ADAM22: variants seen among roughly 807,000 people sequenced by gnomAD.
ADAM22 encodes the protein ADAM metallopeptidase domain 22, also known as disintegrin and metalloproteinase domain-containing protein 22.
ADAM22 carries 65 observed loss-of-function variants against 144.6 expected under a neutral mutation model. The ratio of observed to expected loss-of-function variants is 0.45; its 90% CI spans 0.37 to 0.55. ADAM22 has a LOEUF of 0.55. ADAM22 is among the 20% of genes least tolerant of loss of function. The probability of loss-of-function intolerance (pLI) is 0.00; values close to 1 mark genes in which losing one functional copy is unlikely to be tolerated. For synonymous variants in ADAM22, 391 were observed against 412.6 expected (o/e 0.95, Z 0.63); for missense variants, 974 against 1,184.9 (o/e 0.82, Z 2.61).
In ADAM22 at chr7:88,108,223, C is replaced by T; in HGVS notation, c.438C>T (p.Asp146=). ...YYQGHIRGNP[D]SFVALSTCHG... ...AGGGCCATATCCGAGGAAACCCTGA[C>T]TCATTTGTTGCATTGTCAACATGCC... The change falls in exon 5 of 32, where the codon GAC becomes GAT. Residue 146 remains aspartate (D), a synonymous_variant. Transcript: ENST00000413139. 1 of 1,613,816 alleles carries T rather than the reference C, an allele frequency of 6.2e-7. No homozygotes were observed. The highest frequency in any genetic ancestry group is 8.5e-7 in the Non-Finnish European group (1 of 1,179,890).
intron 22 of ADAM22, among the ~76,000 whole-genome samples, chr7:88,160,629 G>T (rs904555692): frequency 6.6e-6 from 1 of 152,004 alleles, no homozygotes; most frequent in Admixed American, 6.6e-5. Context: ...ATACCCAAAG[G>T]ATTATAAATC....
chr7:88,125,130 G>T (rs1830107101), intron 7 of ADAM22, among the ~76,000 whole-genome samples: 1 of 151,962 alleles, frequency 6.6e-6, no homozygotes, highest in South Asian at 2.1e-4. Context: ...GGGCAAAGAA[G>T]AATATAAATT....
At chr7:88,113,951 T>G (rs1827018897) in intron 5 of ADAM22, among the ~76,000 whole-genome samples, 1 of 151,584 alleles carries the variant, frequency 6.6e-6, no homozygotes, top group African/African-American at 2.4e-5. Flanking sequence ...TTTCTGCTCT[T>G]ACTGGTTAAA....
intron 2 of ADAM22, among the ~76,000 whole-genome samples, chr7:87,968,994 T>G (rs1849800343): frequency 2.0e-5 from 3 of 152,104 alleles, no homozygotes; most frequent in Non-Finnish European, 4.4e-5. Context: ...CCAGAGCTCC[T>G]GAGAACTCAC....
intron 3 of ADAM22, among the ~76,000 whole-genome samples, chr7:88,003,801 A>T (rs926203999): frequency 2.6e-5 from 4 of 152,218 alleles, no homozygotes; most frequent in Non-Finnish European, 5.9e-5. Context: ...AGGCCAGAAA[A>T]GTTTGGGAAA....
chr7:88,116,951 G>A (rs984804230), intron 7 of ADAM22, 137 bp downstream of exon 7: 41 of 606,100 alleles, frequency 6.8e-5, no homozygotes, highest in East Asian at 5.7e-4. Context: ...GCCAAGTCAC[G>A]TCAAGAGGGA....
At chr7:88,142,497 A>G (rs1834987023) in intron 14 of ADAM22, among the ~76,000 whole-genome samples, 1 of 152,180 alleles carries the variant, frequency 6.6e-6, no homozygotes, top group Admixed American at 6.5e-5. Flanking sequence ...ACATGCAAAT[A>G]ATGAAAAACC....
At chr7:88,001,466 G>A (rs1792537484) in intron 3 of ADAM22, among the ~76,000 whole-genome samples, 1 of 152,164 alleles carries the variant, frequency 6.6e-6, no homozygotes, top group Non-Finnish European at 1.5e-5. Context: ...ATCTGCATAA[G>A]CTTTTGGCCA....
At chr7:88,045,306 C>T (rs1301101244) in intron 3 of ADAM22, among the ~76,000 whole-genome samples, 1 of 152,196 alleles carries the variant, frequency 6.6e-6, no homozygotes, top group Admixed American at 6.5e-5. Flanking sequence ...GCTTGAGCCA[C>T]CGCACCAGGC....
intron 22 of ADAM22, among the ~76,000 whole-genome samples, chr7:88,161,205 A>AG (rs1841544313): frequency 6.6e-6 from 1 of 151,552 alleles, no homozygotes; most frequent in African/African-American, 2.4e-5. Context: ...AAAAAAAAAA[A>AG]ACAAGTAATG....
chr7:88,077,452 T>C (rs1814929446), intron 4 of ADAM22, among the ~76,000 whole-genome samples: 1 of 152,136 alleles, frequency 6.6e-6, no homozygotes, highest in Non-Finnish European at 1.5e-5. Context: ...CATTTCCAAC[T>C]GAGGTACCGG....
At chr7:87,985,261 C>T (rs182843607) in intron 3 of ADAM22, among the ~76,000 whole-genome samples, 6 of 149,816 alleles carry the variant, frequency 4.0e-5, no homozygotes, top group East Asian at 3.9e-4. Flanking sequence ...TGCAGTGAGC[C>T]GAGATCGCAC....
At chr7:88,054,327 A>G (rs1176243776) in intron 3 of ADAM22, among the ~76,000 whole-genome samples, 3 of 152,078 alleles carry the variant, frequency 2.0e-5, no homozygotes, top group Non-Finnish European at 4.4e-5. Context: ...CACATGCAAC[A>G]TTGCTCTAGC....
chr7:87,957,571 T>C (rs1847078722), intron 2 of ADAM22, among the ~76,000 whole-genome samples: 1 of 151,990 alleles, frequency 6.6e-6, no homozygotes, highest in Admixed American at 6.6e-5. Context: ...TCCGTCTTTG[T>C]TTTCTTTTCT....
chr7:88,037,666 C>A (rs1801845097), intron 3 of ADAM22, among the ~76,000 whole-genome samples: 1 of 151,730 alleles, frequency 6.6e-6, no homozygotes, highest in African/African-American at 2.4e-5. Flanking sequence ...TGTATGTTAA[C>A]CTTTAAACCC....
rs899304392 is a variant in ADAM22 at position 88,192,193 on chromosome 7, A to G, written c.2751-923A>G. 9.8e-5 allele frequency among the ~76,000 whole-genome samples: 15 copies of G among 152,308 alleles called. 1 individual carries two copies. The South Asian group carries it at 1.2e-3, about 13-fold the overall frequency. On this transcript the variant is annotated intron_variant, in intron 30 of 31. Transcript: ENST00000413139. ...ATAAGGTGGCAGTGTAACCAGTTCA[A>G]TGTGGGTTTTTACCACCTTGCACCA...
rs575855540 is a variant in ADAM22, at chr7:87,955,517, G to A, written c.246+20331G>A. On this transcript the variant is annotated intron_variant, in intron 2 of 31. Transcript: ENST00000413139. Reference sequence around the variant, plus strand: ...GAAGTTTTGTCTCAGAGGAGTACCCGGCCGTGTGAGGTGTCAGTCTGCCCC... The same window carrying A: ...GAAGTTTTGTCTCAGAGGAGTACCCAGCCGTGTGAGGTGTCAGTCTGCCCC... 1.5e-3 allele frequency among the ~76,000 whole-genome samples: 223 copies of A among 152,250 alleles called. 1 individual carries two copies. The highest frequency in any genetic ancestry group is 2.5e-3 in the Non-Finnish European group (170 of 68,020).
chr7:88,154,689 A>G (rs189412739), intron 21 of ADAM22, among the ~76,000 whole-genome samples: 1 of 152,166 alleles, frequency 6.6e-6, no homozygotes, highest in East Asian at 1.9e-4. Flanking sequence ...ATAGGTTCAT[A>G]TACATAAATG....
intron 22 of ADAM22, among the ~76,000 whole-genome samples, chr7:88,158,179 G>C (rs894667783): frequency 6.6e-6 from 1 of 152,114 alleles, no homozygotes; most frequent in Non-Finnish European, 1.5e-5. Flanking sequence ...ATGGTAGAGG[G>C]TTCAATTCAA....
Sources: allele counts gnomAD v4.1 joint callset (sites outside exome capture counted in the v4.1 genomes callset), GRCh38; gene constraint gnomAD v4.1.1; transcripts MANE v1.5; gene names NCBI Gene and HGNC (gene_info 2026-07-23, HGNC 2026-07-21).